SHTN1: variants seen among roughly 807,000 people sequenced by gnomAD.
SHTN1 encodes shootin 1.
A neutral mutation model predicts 83.1 loss-of-function variants in SHTN1; 42 were observed. That is an observed-to-expected ratio of 0.51 (90% CI 0.39 to 0.65). The LOEUF is 0.65. Among genes scored for constraint, SHTN1 ranks in the 30% least tolerant of loss-of-function variants. The pLI is 0.00. For synonymous variants in SHTN1, 224 were observed against 247.7 expected (o/e 0.90, Z 0.90); for missense variants, 622 against 737.8 (o/e 0.84, Z 1.82).
chr10:116,912,547 C>T (rs1029785006), intron 13 of SHTN1, among the ~76,000 whole-genome samples: 2 of 152,270 alleles, frequency 1.3e-5, no homozygotes, highest in Non-Finnish European at 1.5e-5. Flanking sequence ...TCTCTTCTGG[C>T]CATACCATGG....
At chr10:117,079,379 T>C (rs1242721889) in intron 1 of SHTN1, among the ~76,000 whole-genome samples, 1 of 134,478 alleles carries the variant, frequency 7.4e-6, no homozygotes, top group African/African-American at 2.9e-5. Flanking sequence ...TCATTTTTTA[T>C]GGCTGCATAG....
intron 1 of SHTN1, among the ~76,000 whole-genome samples, chr10:117,086,371 CTT>C (rs1188141278): frequency 6.6e-6 from 1 of 152,156 alleles, no homozygotes. Context: ...TAGTTGGGGT[CTT>C]GTTTGCTTTA....
intron 15 of SHTN1, among the ~76,000 whole-genome samples, chr10:116,904,928 G>A (rs1196523375): frequency 3.9e-5 from 6 of 151,932 alleles, no homozygotes; most frequent in Admixed American, 1.3e-4. Context: ...TTGGCCGGGC[G>A]CGGTGGCTCA....
chr10:117,101,386 T>C (rs1237435285), intron 1 of SHTN1, among the ~76,000 whole-genome samples: 1 of 152,080 alleles, frequency 6.6e-6, no homozygotes, highest in Non-Finnish European at 1.5e-5. Flanking sequence ...CCTCAGGAAA[T>C]GAGCCAAGTT....
chr10:116,983,439 G>T (rs1851101510), intron 1 of SHTN1, among the ~76,000 whole-genome samples: 1 of 152,064 alleles, frequency 6.6e-6, no homozygotes, highest in South Asian at 2.1e-4. Context: ...GGAGAAAAGG[G>T]GCTAAAGATC....
At chr10:116,900,137 G>A (rs1847679767) in intron 16 of SHTN1, among the ~76,000 whole-genome samples, 1 of 152,182 alleles carries the variant, frequency 6.6e-6, no homozygotes, top group South Asian at 2.1e-4. Flanking sequence ...GTAAATTACT[G>A]TCAATATGAA....
At chr10:117,085,199 A>T (rs1404871455) in intron 1 of SHTN1, among the ~76,000 whole-genome samples, 6 of 152,152 alleles carry the variant, frequency 3.9e-5, no homozygotes, top group Non-Finnish European at 8.8e-5. Flanking sequence ...TTTGAATTGT[A>T]TATGCTCTTT....
intron 1 of SHTN1, among the ~76,000 whole-genome samples, chr10:116,986,170 T>C (rs1851211315): frequency 6.6e-6 from 1 of 152,200 alleles, no homozygotes; most frequent in Non-Finnish European, 1.5e-5. Context: ...GTCTGATTTC[T>C]GGTCTGTCAT....
intron 14 of SHTN1, among the ~76,000 whole-genome samples, chr10:116,908,836 A>C (rs944522494): frequency 4.6e-5 from 7 of 152,170 alleles, no homozygotes; most frequent in African/African-American, 1.7e-4. Context: ...TGATTACTGA[A>C]GGAATCCATT....
intron 2 of SHTN1, among the ~76,000 whole-genome samples, chr10:117,043,488 AT>A (rs1852616280): frequency 1.3e-5 from 2 of 152,234 alleles, no homozygotes; most frequent in Admixed American, 6.5e-5. Flanking sequence ...AATGATTAAA[AT>A]GGTAAACTTT....
At position 116,979,302 on chromosome 10, in the gene SHTN1, CCTATTG is replaced by C; in HGVS notation, c.59_64del (p.Ala20_Ile21del). The C allele has an allele frequency of 6.2e-7, 1 of 1,613,590 alleles. No individual in the cohort carries two copies. Among genetic ancestry groups the C allele is most frequent in the Non-Finnish European group, 8.5e-7 (1 of 1,179,754 alleles). ...CTCTGCTCTAAGGTCTTCATATTCGCCTATTGCTAAAAGAAAAAAGGAAAGCAACAT... is the reference window on the plus strand; with the variant it reads ...CTCTGCTCTAAGGTCTTCATATTCGCCTAAAAGAAAAAAGGAAAGCAACAT... On this transcript the variant is annotated inframe_deletion and splice_region_variant, in exon 2 of 17. Coordinates refer to ENST00000355371, the MANE Select transcript of SHTN1 (RefSeq NM_001127211.3).
intron 1 of SHTN1, among the ~76,000 whole-genome samples, chr10:117,000,467 T>C (rs757004070): frequency 6.6e-6 from 1 of 152,194 alleles, no homozygotes; most frequent in Non-Finnish European, 1.5e-5. Context: ...GGTTTAAAAT[T>C]GCTTTAAAAC....
At position 117,118,694 on chromosome 10, in the gene SHTN1, A is replaced by G. The variant is rs77910074; in HGVS notation, c.-189+7613T>C. ...AGTGGATAAAGAAAATGTGGTATAC[A>G]TGTGTTCTCACTTATAAGTGGGAGC... On this transcript the variant is annotated intron_variant, in intron 1 of 17. Coordinates refer to the SHTN1 transcript ENST00000392901. 4.7e-4 allele frequency among the ~76,000 whole-genome samples: 71 copies of G among 152,352 alleles called. No homozygotes were observed. The East Asian group carries it at 0.013, about 28-fold the overall frequency.
chr10:117,087,042 T>C (rs1294466039), intron 1 of SHTN1, among the ~76,000 whole-genome samples: 4 of 152,210 alleles, frequency 2.6e-5, no homozygotes, highest in African/African-American at 7.2e-5. Context: ...TTGAAATATC[T>C]AGAACAGGCA....
At chr10:117,089,275 G>A (rs917130047) in intron 1 of SHTN1, among the ~76,000 whole-genome samples, 8 of 152,122 alleles carry the variant, frequency 5.3e-5, no homozygotes, top group African/African-American at 1.4e-4. Flanking sequence ...GCTTGAAACA[G>A]TACACTTAAA....
intron 1 of SHTN1, among the ~76,000 whole-genome samples, chr10:116,993,213 C>T (rs1156791263): frequency 2.6e-5 from 4 of 151,950 alleles, no homozygotes; most frequent in African/African-American, 9.7e-5. Context: ...GACAAGGTTT[C>T]ACCGTGTTAG....
chr10:116,890,602 C>A (rs1234680152), intron 16 of SHTN1, among the ~76,000 whole-genome samples: 1 of 152,132 alleles, frequency 6.6e-6, no homozygotes, highest in East Asian at 1.9e-4. Flanking sequence ...AACCAAAAAC[C>A]AAAAAGCAAA....
At chr10:117,042,381 T>C (rs555596410) in intron 2 of SHTN1, among the ~76,000 whole-genome samples, 19 of 152,304 alleles carry the variant, frequency 1.2e-4, no homozygotes, top group African/African-American at 4.3e-4. Flanking sequence ...AGGTTCTCCT[T>C]ATCCTCCTTC....
chr10:117,022,376 T>G (rs1042086710), intron 2 of SHTN1, among the ~76,000 whole-genome samples: 1 of 152,198 alleles, frequency 6.6e-6, no homozygotes, highest in Non-Finnish European at 1.5e-5. Context: ...TTCAGCAAGT[T>G]TAAATCCTTA....
Sources: gnomAD v4.1 joint callset for allele counts (sites outside exome capture counted in the v4.1 genomes callset) on GRCh38, gnomAD v4.1.1 for gene constraint, MANE v1.5 for transcripts, NCBI Gene and HGNC (gene_info 2026-07-23, HGNC 2026-07-21) for gene names.